Variants in VPS35L observed in about 807,000 individuals in gnomAD.
VPS35L encodes VPS35 endosomal protein-sorting factor-like.
Under a neutral mutation model 133.0 loss-of-function variants are expected in VPS35L, and 83 were observed. The observed-to-expected ratio is 0.62, with a 90% CI of 0.52 to 0.75. The LOEUF (loss-of-function observed/expected upper bound fraction) is 0.75. VPS35L is among the 30% of genes least tolerant of loss of function. VPS35L has a pLI of 0.00. For synonymous variants in VPS35L, 423 were observed against 449.9 expected (o/e 0.94, Z 0.76); for missense variants, 1,083 against 1,206.8 (o/e 0.90, Z 1.52).
chr16:19,659,463 A>C (rs1490720283), intron 26 of VPS35L, among the ~76,000 whole-genome samples: 3 of 152,352 alleles, frequency 2.0e-5, no homozygotes, highest in Admixed American at 2.0e-4. Context: ...CTTAAAAGGC[A>C]TTCTGCATAA....
chr16:19,590,535 A>C (rs1972012502), intron 7 of VPS35L, among the ~76,000 whole-genome samples: 1 of 152,182 alleles, frequency 6.6e-6, no homozygotes, highest in African/African-American at 2.4e-5. Context: ...AAGTAGAAAG[A>C]GCTTTTCTGT....
intron 8 of VPS35L, among the ~76,000 whole-genome samples, chr16:19,599,279 T>A (rs1308674051): frequency 6.6e-6 from 1 of 152,186 alleles, no homozygotes; most frequent in Non-Finnish European, 1.5e-5. Flanking sequence ...AGAGGACCTC[T>A]GAGGATGGAC....
chr16:19,661,651 G>A lies in VPS35L; in HGVS notation c.2222-7509G>A, dbSNP rs146714745. Among the ~76,000 whole-genome samples the A allele has an allele frequency of 3.7e-3, 569 of 152,272 alleles. 5 individuals carry two copies. Among genetic ancestry groups the A allele is most frequent in the African/African-American group, 0.013 (554 of 41,562 alleles). On this transcript the variant is annotated intron_variant, in intron 26 of 30. Coordinates refer to ENST00000417362, the MANE Select transcript of VPS35L (RefSeq NM_020314.7). ...AAGCCTGAAGTCTGACTCATTTCATGGAGAAGCTAATTAGAGAGGACCCTT... is the reference window on the plus strand; with the variant it reads ...AAGCCTGAAGTCTGACTCATTTCATAGAGAAGCTAATTAGAGAGGACCCTT...
intron 7 of VPS35L, among the ~76,000 whole-genome samples, chr16:19,585,710 G>A (rs1040799726): frequency 4.0e-5 from 6 of 151,290 alleles, no homozygotes; most frequent in African/African-American, 1.5e-4. Context: ...TGGCCTATCA[G>A]TTTTGTTATA....
intron 26 of VPS35L, among the ~76,000 whole-genome samples, chr16:19,666,912 CT>C (rs1474704742): frequency 9.5e-4 from 97 of 101,748 alleles, no homozygotes; most frequent in Non-Finnish European, 1.5e-3. Flanking sequence ...TTCTTTCTTT[CT>C]TTCTTTCTTT....
At position 19,568,233 on chromosome 16, in the gene VPS35L, G is replaced by C. The variant is rs540325010; in HGVS notation, c.118-1191G>C. 1.4e-4 allele frequency among the ~76,000 whole-genome samples: 21 copies of C among 152,092 alleles called. No individual in the cohort carries two copies. The South Asian group carries it at 4.2e-3, about 30-fold the overall frequency. On this transcript the variant is annotated intron_variant, in intron 2 of 30. Transcript: ENST00000417362. The stretch of plus-strand genomic sequence containing the variant: ...AGGCCCAGGGGAAGGGGCACACAGA[G>C]CTTTCATGTCCCCTCCAGGTACCTC...
At chr16:19,671,800 A>G (rs537759405) in intron 27 of VPS35L, among the ~76,000 whole-genome samples, 1 of 152,286 alleles carries the variant, frequency 6.6e-6, no homozygotes, top group Admixed American at 6.5e-5. Flanking sequence ...ATAGTATTCC[A>G]TGGAGTGTAT....
At chr16:19,682,610 C>T (rs1975326257) in intron 28 of VPS35L, among the ~76,000 whole-genome samples, 1 of 152,182 alleles carries the variant, frequency 6.6e-6, no homozygotes, top group Non-Finnish European at 1.5e-5. Flanking sequence ...GCCTGTAATC[C>T]CAGCACTTTG....
chr16:19,604,929 G>A (rs898228442), intron 9 of VPS35L, among the ~76,000 whole-genome samples: 4 of 152,108 alleles, frequency 2.6e-5, no homozygotes, highest in Non-Finnish European at 4.4e-5. Flanking sequence ...AGAGACCATC[G>A]ACTCTGAGAA....
chr16:19,575,094 G>A lies in VPS35L; in HGVS notation c.409-4G>A. ...AAATATTAATGAATTTTATGTCTCT[G>A]CAGAATCTGTTTATGGGATCTGAAA... On this transcript the variant is annotated splice_region_variant and splice_polypyrimidine_tract_variant and intron_variant, in intron 4 of 30. Transcript: ENST00000417362. The A allele has an allele frequency of 6.2e-7, 1 of 1,603,350 alleles. No homozygotes were observed. The highest frequency in any genetic ancestry group is 2.2e-5 in the East Asian group (1 of 44,628).
rs541091453 is a variant in VPS35L, at chr16:19,642,628, A to C, written c.1865+152A>C. The C allele has an allele frequency of 4.5e-5, 27 of 597,320 alleles. No homozygotes were observed. In the Admixed American group the frequency reaches 8.7e-4, roughly 19 times the overall value. The allele number at this position is 597,320 out of a possible 1,614,324, so 37.0% of individuals were successfully genotyped here. Reference sequence around the variant, plus strand: ...TTTGCTAACGAGGACATTCCAATCCAGGAGAGGAAGGAGGCTGAGGTTAAC... The same window carrying C: ...TTTGCTAACGAGGACATTCCAATCCCGGAGAGGAAGGAGGCTGAGGTTAAC... On this transcript the variant is annotated intron_variant, in intron 22 of 30. Coordinates refer to ENST00000417362, the MANE Select transcript of VPS35L (RefSeq NM_020314.7).
chr16:19,569,514 A>T lies in VPS35L; in HGVS notation c.208A>T (p.Ser70Cys), dbSNP rs755766433. 1 of 1,610,774 alleles carries T rather than the reference A, an allele frequency of 6.2e-7. No individual in the cohort carries two copies. The highest frequency in any genetic ancestry group is 2.2e-5 in the East Asian group (1 of 44,852). Residue 70 changes from serine (S) to cysteine (C), a missense_variant, in exon 3 of 31, where the codon AGC becomes TGC. By Grantham distance (112) the Ser-to-Cys change is moderately radical (BLOSUM62 -1). Coordinates refer to ENST00000417362, the MANE Select transcript of VPS35L (RefSeq NM_020314.7). ...CTCCAGCTCCGTGGTGGACCCGCTG[A>T]GCAGCGTCCTCGATGGGACTGACCC... ...SSSSSVVDPL[S>C]SVLDGTDPLS...
Position 19,616,115 on chromosome 16 carries a change from T to G in VPS35L, c.1025T>G (p.Val342Gly). The change falls in exon 13 of 31, where the codon GTG becomes GGG. Residue 342 changes from valine to glycine, a missense_variant and splice_region_variant. Physicochemically the swap from Val to Gly is moderately radical, Grantham distance 109 (BLOSUM62 -3). Coordinates refer to ENST00000417362, the MANE Select transcript of VPS35L (RefSeq NM_020314.7). ...SVYARAYLCR[V>G]GMEVAPHLKE... is the part of the protein sequence containing the mutation. ...GTTTTTCCATTTGTCTGGCTGCAGG[T>G]GGGAATGGAAGTGGCCCCACATCTC... The G allele has an allele frequency of 6.2e-7, 1 of 1,612,172 alleles. No homozygotes were observed. The highest frequency in any genetic ancestry group is 8.5e-7 in the Non-Finnish European group (1 of 1,178,712).
intron 7 of VPS35L, among the ~76,000 whole-genome samples, chr16:19,588,187 G>GTATT (rs555770404): frequency 9.3e-5 from 14 of 149,976 alleles, no homozygotes; most frequent in East Asian, 2.0e-4. Context: ...ATGTATGTAT[G>GTATT]TATTTATTTA....
At chr16:19,586,801 T>C (rs1339721813) in intron 7 of VPS35L, among the ~76,000 whole-genome samples, 1 of 152,226 alleles carries the variant, frequency 6.6e-6, no homozygotes. Context: ...CAATGGTTCA[T>C]TTTGAATTAC....
At chr16:19,585,381 C>T (rs1054029276) in intron 7 of VPS35L, among the ~76,000 whole-genome samples, 4 of 151,284 alleles carry the variant, frequency 2.6e-5, no homozygotes, top group Admixed American at 6.6e-5. Context: ...CGGTATTGTC[C>T]ATCTTTTCTT....
intron 14 of VPS35L, among the ~76,000 whole-genome samples, chr16:19,624,149 T>A (rs1973183792): frequency 1.6e-5 from 2 of 121,442 alleles, no homozygotes; most frequent in East Asian, 2.9e-4. Flanking sequence ...TAGGTCTCAC[T>A]CTGGTGCCCA....
At chr16:19,624,688 T>G (rs1240668969) in intron 14 of VPS35L, among the ~76,000 whole-genome samples, 1 of 151,900 alleles carries the variant, frequency 6.6e-6, no homozygotes, top group Non-Finnish European at 1.5e-5. Context: ...TCAAGCGAGC[T>G]TCCCACCTCA....
At chr16:19,593,423 A>G (rs115285543) in intron 8 of VPS35L, among the ~76,000 whole-genome samples, 2,717 of 152,324 alleles carry the variant, frequency 0.018, 94 homozygotes, top group African/African-American at 0.063. Context: ...CAGACTATCA[A>G]TCTGAGAGAC....
Sources: gnomAD v4.1 joint callset for allele counts (sites outside exome capture counted in the v4.1 genomes callset) on GRCh38, gnomAD v4.1.1 for gene constraint, MANE v1.5 for transcripts, NCBI Gene and HGNC (gene_info 2026-07-23, HGNC 2026-07-21) for gene names.